ST8SIA3: variants seen among roughly 807,000 people sequenced by gnomAD.
ST8SIA3 encodes ST8 alpha-N-acetyl-neuraminide alpha-2,8-sialyltransferase 3.
Under a neutral mutation model 34.5 loss-of-function variants are expected in ST8SIA3, and 17 were observed. The observed-to-expected ratio is 0.49, with a 90% CI of 0.34 to 0.74. The LOEUF (loss-of-function observed/expected upper bound fraction) is 0.74. ST8SIA3 is among the 30% of genes least tolerant of loss of function. The probability of loss-of-function intolerance (pLI) is 0.01; values close to 1 mark genes in which losing one functional copy is unlikely to be tolerated. For synonymous variants in ST8SIA3, 172 were observed against 176.1 expected (o/e 0.98, Z 0.19); for missense variants, 354 against 467.8 (o/e 0.76, Z 2.24).
chr18:57,357,219 A>G lies in ST8SIA3; in HGVS notation c.609A>G (p.Arg203=). 6.2e-7 allele frequency: 1 copy of G among 1,614,208 alleles called. No homozygotes were observed. The highest frequency in any genetic ancestry group is 1.1e-5 in the South Asian group (1 of 91,082). ...PTEAFQRDVG[R]KTNLTTFNPS... ...AGGCTTTCCAAAGAGATGTTGGAAG[A>G]AAAACCAATCTTACCACCTTCAACC... Residue 203 remains arginine, a synonymous_variant, in exon 3 of 4, where the codon AGA becomes AGG. Transcript: ENST00000324000.
At chr18:57,354,964 T>C (rs1435419692) in intron 2 of ST8SIA3, among the ~76,000 whole-genome samples, 4 of 152,226 alleles carry the variant, frequency 2.6e-5, no homozygotes, top group African/African-American at 9.7e-5. Context: ...TATTGTTTCT[T>C]TGAAACACAC....
rs1598905766 is a variant in ST8SIA3, at chr18:57,365,778, G to A, written c.*5501G>A. 3 of 152,280 alleles carry A rather than the reference G, an allele frequency of 2.0e-5. No homozygotes were observed. In the South Asian group the frequency reaches 6.2e-4, roughly 32 times the overall value. The allele number at this position is 152,280 out of a possible 1,614,324, so 9.4% of individuals were successfully genotyped here. Reference sequence around the variant, plus strand: ...GTGATCAGTTATTACTTGTGGCCTTGTACCACCTCTGTTGGATAATGTGCC... The same window carrying A: ...GTGATCAGTTATTACTTGTGGCCTTATACCACCTCTGTTGGATAATGTGCC... On this transcript the variant is annotated 3_prime_UTR_variant, in exon 4 of 4. Coordinates refer to ENST00000324000, the MANE Select transcript of ST8SIA3 (RefSeq NM_015879.3).
rs2049847194 is a variant in ST8SIA3 at position 57,364,033 on chromosome 18, C to T, written c.*3756C>T. 1 of 152,268 alleles carries T rather than the reference C, an allele frequency of 6.6e-6. No homozygotes were observed. Among genetic ancestry groups the T allele is most frequent in the Middle Eastern group, 3.4e-3 (1 of 292 alleles). The allele number at this position is 152,268 out of a possible 1,614,324, so 9.4% of individuals were successfully genotyped here. On this transcript the variant is annotated 3_prime_UTR_variant, in exon 4 of 4. Transcript: ENST00000324000. ...TCTATAAAAGAGGAAAAAAGGTTCT[C>T]CTCTCCCTCCCAAAAATGACTTCCC... is the stretch of plus-strand genomic sequence containing the variant.
At position 57,368,606 on chromosome 18, in the gene ST8SIA3, A is replaced by C. The variant is rs1177600171; in HGVS notation, c.*8329A>C. ...TTGGAAGAAGCCGAGGGCCTTAACA[A>C]ATCAGACTGACCTCCCTTGTGACAG... On this transcript the variant is annotated 3_prime_UTR_variant, in exon 4 of 4. Coordinates refer to ENST00000324000, the MANE Select transcript of ST8SIA3 (RefSeq NM_015879.3). The C allele has an allele frequency of 6.6e-6, 1 of 152,202 alleles. No individual in the cohort carries two copies. Among genetic ancestry groups the C allele is most frequent in the East Asian group, 1.9e-4 (1 of 5,194 alleles). The allele number at this position is 152,202 out of a possible 1,614,324, so 9.4% of individuals were successfully genotyped here. A position where few individuals can be genotyped will look rare whatever the true frequency, so the allele number is the denominator to read the frequency against.
In ST8SIA3 at chr18:57,357,293, G is replaced by C; in HGVS notation, c.683G>C (p.Arg228Pro). 1 of 1,614,040 alleles carries C rather than the reference G, an allele frequency of 6.2e-7. No homozygotes were observed. The highest frequency in any genetic ancestry group is 8.5e-7 in the Non-Finnish European group (1 of 1,179,976). ...AACAATCTCTTGACTATTCAGGACC[G>C]TAACAACTTTTTCCTCAGTTTAAAA... ...YYNNLLTIQD[R>P]NNFFLSLKKL... is the part of the protein sequence containing the mutation. The change falls in exon 3 of 4, where the codon CGT becomes CCT. Residue 228 changes from arginine (R) to proline (P), a missense_variant. Arg to Pro is a moderately radical substitution (Grantham distance 103). Around this residue, in one of 3 missense-constraint regions of ST8SIA3, gnomAD observed 166 missense variants for 245.2 expected, o/e 0.68. Coordinates refer to ENST00000324000, the MANE Select transcript of ST8SIA3 (RefSeq NM_015879.3).
At chr18:57,354,605 A>G in intron 2 of ST8SIA3, 81 bp downstream of exon 2, 2 of 1,542,342 alleles carry the variant, frequency 1.3e-6, no homozygotes. Flanking sequence ...ACAAGCAAAC[A>G]AAAACATCTA....
chr18:57,359,306 CA>C (rs1386575288), intron 3 of ST8SIA3, among the ~76,000 whole-genome samples: 1 of 152,100 alleles, frequency 6.6e-6, no homozygotes, highest in African/African-American at 2.4e-5. Context: ...TTATTATTTA[CA>C]CTTAATGTAT....
Position 57,360,375 on chromosome 18 carries a change from A to T in ST8SIA3, c.*98A>T. ...GAACCCTAGAGAATGTCTTATAAGG[A>T]TTGTCTGCCATTTAAAAGGAAAGAT... is the stretch of plus-strand genomic sequence containing the variant. On this transcript the variant is annotated 3_prime_UTR_variant, in exon 4 of 4. Transcript: ENST00000324000. 1 of 1,174,628 alleles carries T rather than the reference A, an allele frequency of 8.5e-7. No individual in the cohort carries two copies. Among genetic ancestry groups the T allele is most frequent in the Non-Finnish European group, 1.2e-6 (1 of 850,734 alleles). 72.8% of individuals were successfully genotyped at this position (1,174,628 alleles called of 1,614,324 possible). A position where few individuals can be genotyped will look rare whatever the true frequency, so the allele number is the denominator to read the frequency against.
intron 1 of ST8SIA3, among the ~76,000 whole-genome samples, chr18:57,353,741 C>T (rs550919440): frequency 1.7e-3 from 258 of 152,302 alleles, no homozygotes; most frequent in African/African-American, 6.1e-3. Flanking sequence ...TCTGCGAGAG[C>T]CCCCGCCCCG....
intron 2 of ST8SIA3, 95 bp from the exon 3 acceptor site, chr18:57,356,818 A>G (rs2049800220): frequency 2.4e-6 from 2 of 822,766 alleles, no homozygotes; most frequent in Admixed American, 5.6e-5. Flanking sequence ...CAATGAGCCT[A>G]AGATTCCCTC....
At chr18:57,357,537 G>C (rs1411632041) in intron 3 of ST8SIA3, 67 bp downstream of exon 3, 2 of 1,298,184 alleles carry the variant, frequency 1.5e-6, no homozygotes, top group African/African-American at 1.5e-5. Flanking sequence ...TAATCTCTTG[G>C]GGGTGGGAGC....
At position 57,352,720 on chromosome 18, in the gene ST8SIA3, A is replaced by ACG. The variant is rs758964664; in HGVS notation, c.-117_-116dup. 0.011 allele frequency: 1,963 copies of ACG among 171,992 alleles called. 38 individuals are homozygous for ACG. Among genetic ancestry groups the ACG allele is most frequent in the South Asian group, 0.018 (606 of 33,758 alleles). The allele number at this position is 171,992 out of a possible 1,614,324, so 10.7% of individuals were successfully genotyped here. On this transcript the variant is annotated 5_prime_UTR_variant, in exon 1 of 4. Transcript: ENST00000324000. The stretch of plus-strand genomic sequence containing the variant: ...CGCCCGGGTCCCCCTCCTCCGCCAC[A>ACG]CGCGCGCGCGCTCACACACACACAC...
rs2049848594 is a variant in ST8SIA3, at chr18:57,364,363, T to C, written c.*4086T>C. 1 of 152,178 alleles carries C rather than the reference T, an allele frequency of 6.6e-6. No individual in the cohort carries two copies. Among genetic ancestry groups the C allele is most frequent in the Non-Finnish European group, 1.5e-5 (1 of 68,028 alleles). The allele number at this position is 152,178 out of a possible 1,614,324, so 9.4% of individuals were successfully genotyped here. A position where few individuals can be genotyped will look rare whatever the true frequency, so the allele number is the denominator to read the frequency against. ...CTTGAGTTAAGAAATGCCTTCTATT[T>C]TATAGGTAATCTCAACAGCAGACTT... On this transcript the variant is annotated 3_prime_UTR_variant, in exon 4 of 4. Transcript: ENST00000324000.
intron 2 of ST8SIA3, among the ~76,000 whole-genome samples, chr18:57,354,826 A>G (rs1724296862): frequency 6.6e-6 from 1 of 151,764 alleles, no homozygotes; most frequent in African/African-American, 2.4e-5. Flanking sequence ...ACAGCTAACA[A>G]GTCTGGCAAG....
Position 57,356,900 on chromosome 18 carries a change from C to G in ST8SIA3, c.303-13C>G, listed in dbSNP as rs2074322. On this transcript the variant is annotated splice_polypyrimidine_tract_variant and intron_variant, in intron 2 of 3. Coordinates refer to ENST00000324000, the MANE Select transcript of ST8SIA3 (RefSeq NM_015879.3). ...TGAATGGAATGCTTTTCATGAATTT[C>G]TTTTTATTTTAGGCAAGAAATTCTT... is the stretch of plus-strand genomic sequence containing the variant. 0.04 allele frequency: 61,311 copies of G among 1,523,556 alleles called. 5,207 individuals are homozygous for G. Among genetic ancestry groups the G allele is most frequent in the East Asian group, 0.39 (17,142 of 44,320 alleles). 94.4% of individuals were successfully genotyped at this position (1,523,556 alleles called of 1,614,324 possible).
chr18:57,354,274 G>A, intron 1 of ST8SIA3, 128 bp from the exon 2 acceptor site: 1 of 1,178,956 alleles, frequency 8.5e-7, no homozygotes, highest in Non-Finnish European at 1.2e-6. Flanking sequence ...AAATGAGAGG[G>A]GCTCCGGGAC....
rs915728837 is a variant in ST8SIA3, at chr18:57,354,854, A to AT, written c.302+333dup. On this transcript the variant is annotated intron_variant, in intron 2 of 3. Transcript: ENST00000324000. ...CTGGCAAGTACTGCCAAAGCCATCT[A>AT]TTTAAAAAAAAAAAACAGACAAAAG... Among the ~76,000 whole-genome samples the AT allele has an allele frequency of 2.5e-4, 35 of 139,524 alleles. 1 individual carries two copies. The highest frequency in any genetic ancestry group is 9.7e-4 in the African/African-American group (34 of 34,950). 91.5% of individuals were successfully genotyped at this position (139,524 alleles called of 152,430 possible).
At chr18:57,354,636 C>A in intron 2 of ST8SIA3, 112 bp downstream of exon 2, 2 of 1,268,748 alleles carry the variant, frequency 1.6e-6, no homozygotes, top group Non-Finnish European at 2.2e-6. Context: ...CATCTATACG[C>A]CCCACCCTCA....
At chr18:57,356,164 T>C (rs193175668) in intron 2 of ST8SIA3, among the ~76,000 whole-genome samples, 1 of 152,314 alleles carries the variant, frequency 6.6e-6, no homozygotes, top group Non-Finnish European at 1.5e-5. Flanking sequence ...AACGTGAAAT[T>C]AGTTCTAAGT....
Sources: gnomAD v4.1 joint callset for allele counts (sites outside exome capture counted in the v4.1 genomes callset) on GRCh38, gnomAD v4.1.1 for gene constraint, gnomAD v4.1.1 regional missense constraint, MANE v1.5 for transcripts, NCBI Gene and HGNC (gene_info 2026-07-23, HGNC 2026-07-21) for gene names.